Variants in BRINP3 observed in about 807,000 individuals in gnomAD.
BRINP3 encodes the protein BMP/retinoic acid inducible neural specific 3.
A neutral mutation model predicts 71.0 loss-of-function variants in BRINP3; 19 were observed. The ratio of observed to expected loss-of-function variants is 0.27; its 90% CI spans 0.19 to 0.39. BRINP3 has a LOEUF of 0.39. Ranked by LOEUF, BRINP3 falls within the 10% of genes least tolerant of loss-of-function variation. The probability of loss-of-function intolerance (pLI) is 1.00; values close to 1 mark genes in which losing one functional copy is unlikely to be tolerated. For missense variants in BRINP3, 959 were observed against 940.8 expected (o/e 1.02, Z -0.25); for synonymous variants, 380 against 337.7 (o/e 1.13, Z -1.37).
At chr1:190,438,067 C>G (rs1009853304) in intron 2 of BRINP3, among the ~76,000 whole-genome samples, 6 of 150,924 alleles carry the variant, frequency 4.0e-5, no homozygotes, top group African/African-American at 1.5e-4. Flanking sequence ...GAAAAGATTC[C>G]AAGTTAATAA....
intron 5 of BRINP3, among the ~76,000 whole-genome samples, chr1:190,232,004 C>T (rs1016941009): frequency 6.6e-5 from 10 of 151,852 alleles, no homozygotes; most frequent in Admixed American, 2.6e-4. Context: ...TTTCAGGATT[C>T]TCTCAATAAT....
intron 6 of BRINP3, among the ~76,000 whole-genome samples, chr1:190,197,937 G>A (rs1654637862): frequency 1.3e-5 from 2 of 152,016 alleles, no homozygotes; most frequent in South Asian, 2.1e-4. Flanking sequence ...CCCCATAATG[G>A]CTCCATCCCT....
At chr1:190,360,151 C>A (rs1669041329) in intron 2 of BRINP3, among the ~76,000 whole-genome samples, 1 of 152,156 alleles carries the variant, frequency 6.6e-6, no homozygotes. Context: ...AGCCAGTAAA[C>A]ATCTTCAACA....
Position 190,471,651 on chromosome 1 carries a change from T to C in BRINP3, c.-51+5797A>G, listed in dbSNP as rs1474656875. 1.3e-5 allele frequency among the ~76,000 whole-genome samples: 2 copies of C among 151,548 alleles called. 1 individual carries two copies. The highest frequency in any genetic ancestry group is 4.1e-4 in the South Asian group (2 of 4,830). ...GCATTGGAAATTAGAAGTTTGACTG[T>C]CTAAAGTTTCTCCATTTTTAAATGA... On this transcript the variant is annotated intron_variant, in intron 1 of 7. Coordinates refer to ENST00000367462, the MANE Select transcript of BRINP3 (RefSeq NM_199051.3).
At chr1:190,459,566 T>C (rs1676244964) in intron 1 of BRINP3, among the ~76,000 whole-genome samples, 1 of 152,154 alleles carries the variant, frequency 6.6e-6, no homozygotes, top group East Asian at 1.9e-4. Context: ...GGTCATGTCA[T>C]AGTGGTGCAT....
At chr1:190,174,453 T>C (rs1652311203) in intron 6 of BRINP3, among the ~76,000 whole-genome samples, 1 of 152,118 alleles carries the variant, frequency 6.6e-6, no homozygotes. Context: ...TACACACATG[T>C]ACATTGGATT....
intron 7 of BRINP3, among the ~76,000 whole-genome samples, chr1:190,144,341 T>A (rs144912707): frequency 1.1e-4 from 16 of 152,248 alleles, no homozygotes; most frequent in African/African-American, 3.6e-4. Context: ...TCAGGGAAAG[T>A]ATCTGACTCC....
chr1:190,150,051 A>AT (rs1008440476), intron 7 of BRINP3, among the ~76,000 whole-genome samples: 1 of 151,744 alleles, frequency 6.6e-6, no homozygotes, highest in South Asian at 2.1e-4. Flanking sequence ...AGTGCTTCAC[A>AT]TTTTTTTTCA....
chr1:190,424,699 G>T (rs765920735), intron 2 of BRINP3, among the ~76,000 whole-genome samples: 6 of 151,604 alleles, frequency 4.0e-5, no homozygotes, highest in Non-Finnish European at 7.4e-5. Context: ...TAATAACTGA[G>T]AATTTTAGCG....
At position 190,278,353 on chromosome 1, in the gene BRINP3, T is replaced by C. The variant is rs1339958842; in HGVS notation, c.427+3207A>G. On this transcript the variant is annotated intron_variant, in intron 3 of 7. Coordinates refer to ENST00000367462, the MANE Select transcript of BRINP3 (RefSeq NM_199051.3). ...GAAAGAAGTGGAGGGATTAGTTCAA[T>C]TTAAATGCCACAAACCTCCATTTTT... is the stretch of plus-strand genomic sequence containing the variant. Among the ~76,000 whole-genome samples the C allele has an allele frequency of 4.0e-5, 6 of 151,612 alleles. No individual in the cohort carries two copies. In the South Asian group the frequency reaches 1.2e-3, roughly 31 times the overall value.
chr1:190,456,957 A>T (rs1263108505), intron 1 of BRINP3, among the ~76,000 whole-genome samples: 1 of 152,192 alleles, frequency 6.6e-6, no homozygotes, highest in Non-Finnish European at 1.5e-5. Flanking sequence ...TGTGAACAAG[A>T]ATATTATTGA....
At chr1:190,204,447 G>A (rs1320566695) in intron 6 of BRINP3, among the ~76,000 whole-genome samples, 1 of 99,896 alleles carries the variant, frequency 1.0e-5, no homozygotes, top group Non-Finnish European at 1.9e-5. Context: ...TTAAAAACTA[G>A]ATGGAAAAAC....
chr1:190,105,529 T>G (rs2102260341), intron 7 of BRINP3, among the ~76,000 whole-genome samples: 1 of 152,220 alleles, frequency 6.6e-6, no homozygotes, highest in African/African-American at 2.4e-5. Flanking sequence ...TAAGTATGCT[T>G]GTTATCCTAA....
intron 2 of BRINP3, among the ~76,000 whole-genome samples, chr1:190,431,344 T>G (rs1252932582): frequency 6.6e-6 from 1 of 152,106 alleles, no homozygotes; most frequent in Non-Finnish European, 1.5e-5. Context: ...ATTTTAATTG[T>G]TTTTTAAATT....
chr1:190,358,768 C>T (rs572058889), intron 2 of BRINP3, among the ~76,000 whole-genome samples: 1 of 152,212 alleles, frequency 6.6e-6, no homozygotes, highest in Non-Finnish European at 1.5e-5. Flanking sequence ...ACCCAAATGT[C>T]CAACAATGAT....
chr1:190,214,494 A>T (rs1390455407), intron 6 of BRINP3, among the ~76,000 whole-genome samples: 2 of 151,990 alleles, frequency 1.3e-5, no homozygotes, highest in African/African-American at 4.8e-5. Flanking sequence ...AGTCATTGGA[A>T]CTTCTCACAT....
intron 6 of BRINP3, among the ~76,000 whole-genome samples, 190 bp downstream of exon 6, chr1:190,225,892 A>G (rs929071622): frequency 3.3e-5 from 5 of 152,022 alleles, no homozygotes; most frequent in African/African-American, 7.2e-5. Flanking sequence ...TCTAATGCCA[A>G]TAGTACATAG....
rs141719999 is a variant in BRINP3, at chr1:190,098,052, G to A, written c.2267C>T (p.Thr756Ile). ...TAATTTGGTCGTGTCATAATCCATT[G>A]TGTTTGGCAATTTGGCATTAAACGC... ...LQAFNAKLPN[T>I]MDYDTTKLCS The change falls in exon 8 of 8, where the codon ACA becomes ATA. Residue 756 changes from threonine to isoleucine, a missense_variant. Coordinates refer to ENST00000367462, the MANE Select transcript of BRINP3 (RefSeq NM_199051.3). The A allele has an allele frequency of 6.2e-7, 1 of 1,613,538 alleles. No homozygotes were observed. The highest frequency in any genetic ancestry group is 1.3e-5 in the African/African-American group (1 of 74,984).
chr1:190,165,651 T>G (rs955090349), intron 6 of BRINP3, among the ~76,000 whole-genome samples: 2 of 150,426 alleles, frequency 1.3e-5, no homozygotes, highest in Non-Finnish European at 2.9e-5. Flanking sequence ...CACATTTTCC[T>G]GGAATATGAG....
Sources: gnomAD v4.1 joint callset for allele counts (sites outside exome capture counted in the v4.1 genomes callset) on GRCh38, gnomAD v4.1.1 for gene constraint, MANE v1.5 for transcripts, NCBI Gene and HGNC (gene_info 2026-07-23, HGNC 2026-07-21) for gene names.